UBE2Q2: variants seen among roughly 807,000 people sequenced by gnomAD.
The protein encoded by UBE2Q2 is ubiquitin-conjugating enzyme E2 Q2.
A neutral mutation model predicts 59.9 loss-of-function variants in UBE2Q2; 54 were observed. The ratio of observed to expected loss-of-function variants is 0.90; its 90% confidence interval spans 0.72 to 1.13. The LOEUF is 1.13. UBE2Q2 is among the 50% of genes most tolerant of loss of function. UBE2Q2 has a pLI of 0.00. For missense variants in UBE2Q2, 433 were observed against 441.9 expected (o/e 0.98, Z 0.18); for synonymous variants, 165 against 155.2 (o/e 1.06, Z -0.47).
intron 10 of UBE2Q2, among the ~76,000 whole-genome samples, 171 bp from the exon 11 acceptor site, chr15:75,890,745 TTTG>T (rs1003506474): frequency 2.0e-5 from 3 of 152,150 alleles, no homozygotes; most frequent in Non-Finnish European, 2.9e-5. Context: ...AGAACATTGG[TTTG>T]TTGTTTTTTT....
intron 1 of UBE2Q2, among the ~76,000 whole-genome samples, chr15:75,853,674 TC>T (rs1440932550): frequency 6.6e-6 from 1 of 152,158 alleles, no homozygotes. Flanking sequence ...TCTCACCATT[TC>T]TGTGGGTCAG....
chr15:75,875,945 A>G (rs1898051903), intron 5 of UBE2Q2, among the ~76,000 whole-genome samples: 1 of 151,542 alleles, frequency 6.6e-6, no homozygotes, highest in Admixed American at 6.6e-5. Context: ...GCGCACCTGT[A>G]GTCTCAGCTA....
chr15:75,861,225 C>T (rs939199634), intron 3 of UBE2Q2, among the ~76,000 whole-genome samples: 1 of 152,246 alleles, frequency 6.6e-6, no homozygotes, highest in Non-Finnish European at 1.5e-5. Flanking sequence ...TACCCTCCCT[C>T]ACACTTGATT....
At chr15:75,899,405 T>TC in intron 12 of UBE2Q2, 22 bp from the exon 13 acceptor site, 5 of 1,557,402 alleles carry the variant, frequency 3.2e-6, no homozygotes, top group Non-Finnish European at 4.3e-6. Flanking sequence ...ATTTTAACTT[T>TC]TTTTTTTTCA....
rs993317365 is a variant in UBE2Q2 at position 75,870,069 on chromosome 15, A to T, written c.447+1059A>T. 1.7e-4 allele frequency among the ~76,000 whole-genome samples: 26 copies of T among 152,086 alleles called. 1 individual carries two copies. Among genetic ancestry groups the T allele is most frequent in the Non-Finnish European group, 2.9e-5 (2 of 68,004 alleles). On this transcript the variant is annotated intron_variant, in intron 4 of 12. Transcript: ENST00000267938. Reference sequence around the variant, plus strand: ...TTCAGAACTAAAGAAGCAGTGTTGTAGGCTTGTTTTGTTTTTTTGAGACAG... The same window carrying T: ...TTCAGAACTAAAGAAGCAGTGTTGTTGGCTTGTTTTGTTTTTTTGAGACAG...
At chr15:75,862,001 CG>C (rs1052698953) in intron 3 of UBE2Q2, among the ~76,000 whole-genome samples, 1 of 152,208 alleles carries the variant, frequency 6.6e-6, no homozygotes, top group African/African-American at 2.4e-5. Context: ...CTCATCCTCT[CG>C]GGCCTCTTCA....
At chr15:75,898,443 CTG>C (rs765242021) in intron 12 of UBE2Q2, among the ~76,000 whole-genome samples, 58 of 152,152 alleles carry the variant, frequency 3.8e-4, no homozygotes, top group Admixed American at 1.6e-3. Flanking sequence ...GTATACATAA[CTG>C]TGGAATGACT....
intron 2 of UBE2Q2, among the ~76,000 whole-genome samples, chr15:75,856,615 TTATAGTTG>T (rs56957388): frequency 0.039 from 6,008 of 152,186 alleles, 214 homozygotes; most frequent in African/African-American, 0.094. Context: ...TCAAAATAAG[TTATAGTTG>T]TATAGTTGGT....
intron 1 of UBE2Q2, chr15:75,844,726 A>C (rs531196703): frequency 1.8e-5 from 7 of 387,006 alleles, no homozygotes; most frequent in Non-Finnish European, 2.4e-5. Context: ...ATTCGTCGTG[A>C]AATTGATGTA....
chr15:75,878,238 G>A (rs530608152), intron 7 of UBE2Q2: 30 of 512,816 alleles, frequency 5.9e-5, no homozygotes, highest in South Asian at 3.9e-4. Flanking sequence ...GACCAGCTGC[G>A]GGATAAAGTG....
intron 1 of UBE2Q2, 28 bp downstream of exon 1, chr15:75,843,874 G>C: frequency 1.3e-6 from 2 of 1,532,466 alleles, no homozygotes; most frequent in Admixed American, 4.0e-5. Flanking sequence ...GGCCCCGCGG[G>C]GCAGGGCGAG....
chr15:75,872,694 T>G (rs1897862152), intron 4 of UBE2Q2, among the ~76,000 whole-genome samples: 2 of 151,964 alleles, frequency 1.3e-5, no homozygotes, highest in African/African-American at 4.8e-5. Context: ...TTTCTAACTT[T>G]TTTTCTAGTT....
chr15:75,879,745 G>A (rs910139075), intron 8 of UBE2Q2, among the ~76,000 whole-genome samples: 1 of 151,500 alleles, frequency 6.6e-6, no homozygotes, highest in Non-Finnish European at 1.5e-5. Flanking sequence ...CCATGGAGCA[G>A]GGGGGTAAAA....
At chr15:75,844,404 C>T in intron 1 of UBE2Q2, 1 of 1,551,554 alleles carries the variant, frequency 6.4e-7, no homozygotes, top group Non-Finnish European at 8.7e-7. Context: ...GACTCTGGTG[C>T]TGTTTGAGCG....
chr15:75,888,223 C>T (rs553362834), intron 9 of UBE2Q2, among the ~76,000 whole-genome samples: 18 of 152,250 alleles, frequency 1.2e-4, no homozygotes, highest in African/African-American at 2.2e-4. Context: ...AAAGAAACCC[C>T]GTACTGATTA....
chr15:75,875,466 C>T (rs1033692009), intron 5 of UBE2Q2, among the ~76,000 whole-genome samples: 2 of 152,224 alleles, frequency 1.3e-5, no homozygotes, highest in African/African-American at 4.8e-5. Flanking sequence ...AGATGTTTCT[C>T]AGTGTCTTAA....
chr15:75,860,034 A>T, intron 3 of UBE2Q2, 52 bp downstream of exon 3: 1 of 1,272,198 alleles, frequency 7.9e-7, no homozygotes, highest in Middle Eastern at 1.9e-4. Context: ...GTCTCAAGCA[A>T]AAGTCAAACT....
At chr15:75,867,818 C>G (rs932201818) in intron 3 of UBE2Q2, among the ~76,000 whole-genome samples, 1 of 152,076 alleles carries the variant, frequency 6.6e-6, no homozygotes, top group Non-Finnish European at 1.5e-5. Context: ...CAACCAAACT[C>G]TTTGGGAGTT....
intron 4 of UBE2Q2, among the ~76,000 whole-genome samples, chr15:75,872,258 G>A (rs768683073): frequency 6.6e-6 from 1 of 151,836 alleles, no homozygotes; most frequent in African/African-American, 2.4e-5. Context: ...CAAAAAGGAG[G>A]CCTATTGAAT....
Sources: gnomAD v4.1 joint callset for allele counts (sites outside exome capture counted in the v4.1 genomes callset) on GRCh38, gnomAD v4.1.1 for gene constraint, MANE v1.5 for transcripts, NCBI Gene and HGNC (gene_info 2026-07-23, HGNC 2026-07-21) for gene names.